Variants in IMMP2L observed in about 807,000 individuals in gnomAD.
IMMP2L encodes inner mitochondrial membrane peptidase subunit 2, also known as mitochondrial inner membrane protease subunit 2.
In IMMP2L, 18 loss-of-function variants were observed where a neutral mutation model predicts 19.3. The ratio of observed to expected loss-of-function variants is 0.93; its 90% CI spans 0.64 to 1.38. The LOEUF (loss-of-function observed/expected upper bound fraction) is 1.38. Ranked by LOEUF, IMMP2L falls within the 40% of genes most tolerant of loss-of-function variation. The pLI, the probability that IMMP2L is intolerant of heterozygous loss-of-function variation, is 0.00. For synonymous variants in IMMP2L, 76 were observed against 73.0 expected (o/e 1.04, Z -0.21); for missense variants, 233 against 218.2 (o/e 1.07, Z -0.43).
At chr7:110,932,429 C>G (rs1249833069) in intron 4 of IMMP2L, among the ~76,000 whole-genome samples, 1 of 152,104 alleles carries the variant, frequency 6.6e-6, no homozygotes, top group Admixed American at 6.5e-5. Flanking sequence ...TCTCAGCTCA[C>G]TGCAAGCTCC....
chr7:111,378,783 CATG>C (rs1173437805), intron 3 of IMMP2L, among the ~76,000 whole-genome samples: 2 of 151,860 alleles, frequency 1.3e-5, no homozygotes, highest in Non-Finnish European at 2.9e-5. Flanking sequence ...CTTCTTGTTA[CATG>C]ATAAGTTGCA....
chr7:111,230,944 AAATT>A (rs1218883769), intron 3 of IMMP2L, among the ~76,000 whole-genome samples: 1 of 151,960 alleles, frequency 6.6e-6, no homozygotes, highest in East Asian at 1.9e-4. Flanking sequence ...GAATGGGTGC[AAATT>A]AATGGGAAGG....
At chr7:111,014,246 T>C (rs921534393) in intron 3 of IMMP2L, among the ~76,000 whole-genome samples, 3 of 151,826 alleles carry the variant, frequency 2.0e-5, no homozygotes, top group Non-Finnish European at 4.4e-5. Flanking sequence ...TCACAGCTAC[T>C]CAGAAGGCTG....
At chr7:111,384,329 G>A (rs1462340072) in intron 3 of IMMP2L, among the ~76,000 whole-genome samples, 2 of 151,500 alleles carry the variant, frequency 1.3e-5, no homozygotes, top group African/African-American at 2.4e-5. Flanking sequence ...GAAGGAGGAG[G>A]GAGGAGGAGG....
At chr7:111,216,492 T>C (rs758879512) in intron 3 of IMMP2L, among the ~76,000 whole-genome samples, 16 of 152,148 alleles carry the variant, frequency 1.1e-4, no homozygotes, top group Non-Finnish European at 2.4e-4. Context: ...AAAGTCAAGC[T>C]TGTTAACACA....
intron 4 of IMMP2L, among the ~76,000 whole-genome samples, chr7:110,897,891 T>C (rs1811483598): frequency 6.6e-6 from 1 of 152,082 alleles, no homozygotes; most frequent in Admixed American, 6.5e-5. Context: ...CAAATGTGAA[T>C]GTGAATATGG....
At chr7:111,142,340 A>AAAGAAAGAAAG (rs1803010076) in intron 3 of IMMP2L, among the ~76,000 whole-genome samples, 3 of 16,332 alleles carry the variant, frequency 1.8e-4, no homozygotes, top group African/African-American at 2.3e-4. Flanking sequence ...AAAAAAAAAA[A>AAAGAAAGAAAG]AAAGAAAGAA....
chr7:110,815,567 T>C (rs969356977), intron 5 of IMMP2L, among the ~76,000 whole-genome samples: 6 of 152,160 alleles, frequency 3.9e-5, no homozygotes, highest in African/African-American at 1.4e-4. Context: ...GTACCTCTGG[T>C]AGAATTCGGC....
chr7:111,151,040 A>C (rs1392667819), intron 3 of IMMP2L, among the ~76,000 whole-genome samples: 1 of 152,158 alleles, frequency 6.6e-6, no homozygotes, highest in African/African-American at 2.4e-5. Context: ...CTGTCCTGGG[A>C]TTCTTGAGCA....
At chr7:111,517,918 C>A (rs1011672600) in intron 2 of IMMP2L, among the ~76,000 whole-genome samples, 1 of 152,058 alleles carries the variant, frequency 6.6e-6, no homozygotes, top group Non-Finnish European at 1.5e-5. Context: ...TTGTGTCGAG[C>A]ATTGCAAAAG....
Position 110,663,676 on chromosome 7 carries a change from G to T in IMMP2L, c.454C>A (p.Pro152Thr), listed in dbSNP as rs769349810. The T allele has an allele frequency of 6.2e-7, 1 of 1,608,956 alleles. No individual in the cohort carries two copies. Among genetic ancestry groups the T allele is most frequent in the South Asian group, 1.1e-5 (1 of 90,610 alleles). Reference sequence around the variant, plus strand: ...TCCAATTTCTGCCAGCGCTCTGGGGGCCACAGGATATGTGTGGCATGGGCA... The same window carrying T: ...TCCAATTTCTGCCAGCGCTCTGGGGTCCACAGGATATGTGTGGCATGGGCA... Reference protein sequence around the residue: ...LHAHATHILWPPERWQKLESV... With the variant: ...LHAHATHILWTPERWQKLESV... The change falls in exon 6 of 6, where the codon CCC (proline) becomes ACC (threonine). Residue 152 changes from proline (P) to threonine (T), a missense_variant. Transcript: ENST00000405709.
At chr7:111,317,127 C>T (rs1300611794) in intron 3 of IMMP2L, among the ~76,000 whole-genome samples, 1 of 152,008 alleles carries the variant, frequency 6.6e-6, no homozygotes, top group African/African-American at 2.4e-5. Context: ...GGATTGCAGG[C>T]ATGATTTTTG....
In IMMP2L at chr7:111,418,842, C is replaced by G. The variant is rs149731505; in HGVS notation, c.239+68396G>C. On this transcript the variant is annotated intron_variant, in intron 3 of 5. Coordinates refer to ENST00000405709, the MANE Select transcript of IMMP2L (RefSeq NM_032549.4). ...GTACTATGAAAATTATATTTGTACA[C>G]ATACAAATATAAAAATGCCCAATAG... Among the ~76,000 whole-genome samples, 904 of 151,922 alleles carry G rather than the reference C, an allele frequency of 6.0e-3. 34 individuals carry two copies. Among genetic ancestry groups the G allele is most frequent in the African/African-American group, 0.02 (837 of 41,276 alleles).
intron 1 of IMMP2L, among the ~76,000 whole-genome samples, chr7:111,549,860 GA>G (rs1849280907): frequency 1.3e-5 from 2 of 150,768 alleles, no homozygotes; most frequent in Admixed American, 1.3e-4. Context: ...AAAATCACTT[GA>G]ACTTGGGAGG....
At chr7:111,411,090 T>TA (rs536367628) in intron 3 of IMMP2L, among the ~76,000 whole-genome samples, 5,621 of 78,780 alleles carry the variant, frequency 0.071, 230 homozygotes, top group African/African-American at 0.14. Flanking sequence ...ATCAAATTGC[T>TA]AAAAAAAAAA....
intron 3 of IMMP2L, among the ~76,000 whole-genome samples, chr7:111,296,982 G>A (rs529467534): frequency 6.6e-6 from 1 of 151,972 alleles, no homozygotes. Flanking sequence ...TTCTCTAAAT[G>A]GCAAAATTAT....
intron 1 of IMMP2L, among the ~76,000 whole-genome samples, chr7:111,528,017 T>A (rs1847043370): frequency 6.6e-6 from 1 of 152,156 alleles, no homozygotes; most frequent in African/African-American, 2.4e-5. Context: ...TTCATAATAA[T>A]AAAACACTGT....
intron 4 of IMMP2L, among the ~76,000 whole-genome samples, chr7:110,961,288 G>C (rs542043656): frequency 2.0e-5 from 3 of 151,816 alleles, no homozygotes; most frequent in Admixed American, 6.6e-5. Context: ...TACATAAAAT[G>C]ATGTAGTATT....
chr7:110,901,062 GTTC>G (rs1026089597), intron 4 of IMMP2L, among the ~76,000 whole-genome samples: 9 of 151,780 alleles, frequency 5.9e-5, no homozygotes, highest in Non-Finnish European at 8.8e-5. Flanking sequence ...CCTAATTTAT[GTTC>G]TATATTCCTA....
Sources: allele counts gnomAD v4.1 joint callset (sites outside exome capture counted in the v4.1 genomes callset), GRCh38; gene constraint gnomAD v4.1.1; transcripts MANE v1.5; gene names NCBI Gene and HGNC (gene_info 2026-07-23, HGNC 2026-07-21).